Variants in SLC4A4 observed in about 807,000 individuals in gnomAD.
SLC4A4 encodes solute carrier family 4 member 4, also known as electrogenic sodium bicarbonate cotransporter 1.
Under a neutral mutation model 111.5 loss-of-function variants are expected in SLC4A4, and 27 were observed. That is an observed-to-expected ratio of 0.24 (90% confidence interval 0.18 to 0.33). The LOEUF is 0.33. Ranked by LOEUF, SLC4A4 falls within the 10% of genes least tolerant of loss-of-function variation. The pLI is 1.00. For synonymous variants in SLC4A4, 443 were observed against 463.4 expected, an observed-to-expected ratio of 0.96 and a Z score of 0.57; for missense variants, 909 against 1,315.5, an observed-to-expected ratio of 0.69 and a Z score of 4.78.
chr4:71,350,675 A>G (rs1382324299), intron 5 of SLC4A4, among the ~76,000 whole-genome samples: 2 of 152,188 alleles, frequency 1.3e-5, no homozygotes, highest in African/African-American at 2.4e-5. Flanking sequence ...CTTCCAACAC[A>G]AATGCTGCAG....
At chr4:71,556,135 G>C (rs1736461275) in intron 21 of SLC4A4, among the ~76,000 whole-genome samples, 1 of 151,878 alleles carries the variant, frequency 6.6e-6, no homozygotes, top group African/African-American at 2.4e-5. Flanking sequence ...AAGTCAGATA[G>C]AACTGGGCAA....
chr4:71,200,967 C>G (rs1746222620), intron 1 of SLC4A4, among the ~76,000 whole-genome samples: 1 of 152,160 alleles, frequency 6.6e-6, no homozygotes, highest in Non-Finnish European at 1.5e-5. Flanking sequence ...TTGGAAACTC[C>G]CATCAAAGTT....
chr4:71,393,738 C>T (rs954808949), intron 6 of SLC4A4, among the ~76,000 whole-genome samples: 1 of 152,052 alleles, frequency 6.6e-6, no homozygotes. Flanking sequence ...CATCTGAAGG[C>T]ATCACACTAC....
intron 5 of SLC4A4, among the ~76,000 whole-genome samples, chr4:71,355,474 A>G (rs577058452): frequency 2.0e-5 from 3 of 152,334 alleles, no homozygotes; most frequent in African/African-American, 7.2e-5. Flanking sequence ...TGTGTAGTTT[A>G]AAATACTCAG....
chr4:71,531,939 A>T (rs956108100), intron 16 of SLC4A4, 123 bp from the exon 17 acceptor site: 2 of 698,872 alleles, frequency 2.9e-6, no homozygotes, highest in Non-Finnish European at 5.2e-6. Context: ...ACCTCCTTCA[A>T]TTTGTTGATG....
At chr4:71,250,153 T>A (rs1299840039) in intron 2 of SLC4A4, among the ~76,000 whole-genome samples, 3 of 146,446 alleles carry the variant, frequency 2.0e-5, no homozygotes, top group Non-Finnish European at 3.1e-5. Flanking sequence ...TAAAAAAAAA[T>A]AAATCTCTTA....
intron 2 of SLC4A4, among the ~76,000 whole-genome samples, chr4:71,119,230 TC>T (rs1743351216): frequency 1.3e-5 from 2 of 152,152 alleles, no homozygotes; most frequent in Admixed American, 6.5e-5. Context: ...TAAAACATAG[TC>T]TATTAAGAAA....
chr4:71,150,996 G>T (rs1744300277), intron 2 of SLC4A4, among the ~76,000 whole-genome samples: 1 of 152,298 alleles, frequency 6.6e-6, no homozygotes, highest in Non-Finnish European at 1.5e-5. Flanking sequence ...GTGAGGACAT[G>T]AAAATATCCT....
intron 6 of SLC4A4, among the ~76,000 whole-genome samples, chr4:71,389,750 C>T (rs559917005): frequency 6.6e-6 from 1 of 152,216 alleles, no homozygotes; most frequent in African/African-American, 2.4e-5. Context: ...TAAAATGATA[C>T]CCCATCACTA....
chr4:71,407,646 G>A (rs1720983532), intron 7 of SLC4A4, among the ~76,000 whole-genome samples: 1 of 152,142 alleles, frequency 6.6e-6, no homozygotes, highest in African/African-American at 2.4e-5. Flanking sequence ...AAATAAATTG[G>A]AATGCAACTA....
chr4:71,553,865 C>T (rs376478062), intron 20 of SLC4A4, among the ~76,000 whole-genome samples: 10 of 151,950 alleles, frequency 6.6e-5, no homozygotes, highest in East Asian at 1.9e-4. Flanking sequence ...CTCCTACCCC[C>T]GTCAACATTC....
intron 3 of SLC4A4, among the ~76,000 whole-genome samples, chr4:71,290,652 T>C (rs1330267414): frequency 2.0e-5 from 3 of 152,226 alleles, no homozygotes; most frequent in Admixed American, 2.0e-4. Flanking sequence ...ACTGGGTATC[T>C]GGGTTTTCAA....
At chr4:71,500,454 T>A (rs546907674) in intron 16 of SLC4A4, among the ~76,000 whole-genome samples, 14 of 152,252 alleles carry the variant, frequency 9.2e-5, no homozygotes, top group Admixed American at 2.0e-4. Flanking sequence ...TTTCAGGTCT[T>A]ATATTTAAGT....
At chr4:71,108,576 C>T (rs58958272) in intron 2 of SLC4A4, among the ~76,000 whole-genome samples, 4,162 of 152,218 alleles carry the variant, frequency 0.027, 207 homozygotes, top group African/African-American at 0.096. Flanking sequence ...ATTCTCTTTG[C>T]CTTTGTCTTT....
intron 2 of SLC4A4, among the ~76,000 whole-genome samples, chr4:71,151,837 A>G (rs2364097): frequency 1 from 151,556 of 151,686 alleles, 75,715 homozygotes; most frequent in Non-Finnish European, 1. Context: ...AAGGAGGGCA[A>G]ATCACTTGAG....
chr4:71,289,413 C>T (rs1448732099), intron 3 of SLC4A4, among the ~76,000 whole-genome samples: 1 of 152,172 alleles, frequency 6.6e-6, no homozygotes, highest in African/African-American at 2.4e-5. Flanking sequence ...CCTGCTGGTA[C>T]TGCACTGTAA....
At chr4:71,097,367 G>C (rs1359264816) in intron 2 of SLC4A4, among the ~76,000 whole-genome samples, 1 of 152,078 alleles carries the variant, frequency 6.6e-6, no homozygotes, top group African/African-American at 2.4e-5. Context: ...GTTCTTTTCT[G>C]TTGCTGCATA....
chr4:71,343,319 A>G (rs1226332766), intron 4 of SLC4A4, among the ~76,000 whole-genome samples: 1 of 152,214 alleles, frequency 6.6e-6, no homozygotes, highest in Admixed American at 6.5e-5. Flanking sequence ...TGCCATTGAT[A>G]AAGCTTAGAA....
intron 4 of SLC4A4, among the ~76,000 whole-genome samples, chr4:71,342,113 C>T (rs912953141): frequency 6.6e-6 from 1 of 152,044 alleles, no homozygotes; most frequent in Admixed American, 6.6e-5. Flanking sequence ...AACACATTTC[C>T]ACTCCTCATC....
Sources: allele counts gnomAD v4.1 joint callset (sites outside exome capture counted in the v4.1 genomes callset), GRCh38; gene constraint gnomAD v4.1.1; transcripts MANE v1.5; gene names NCBI Gene and HGNC (gene_info 2026-07-23, HGNC 2026-07-21).